Variants in RUNX2 observed in about 807,000 individuals in gnomAD.
RUNX2 encodes RUNX family transcription factor 2.
Under a neutral mutation model 51.7 loss-of-function variants are expected in RUNX2, and 10 were observed. The observed-to-expected ratio is 0.19, with a 90% CI of 0.12 to 0.33. RUNX2 has a LOEUF of 0.33. Ranked by LOEUF, RUNX2 falls within the 10% of genes least tolerant of loss-of-function variation. The probability of loss-of-function intolerance (pLI) is 1.00; values close to 1 mark genes in which losing one functional copy is unlikely to be tolerated. For missense variants in RUNX2, 562 were observed against 691.3 expected (o/e 0.81, Z 2.10); for synonymous variants, 276 against 273.6 (o/e 1.01, Z -0.09).
At chr6:45,451,296 T>C (rs929148664) in intron 5 of RUNX2, among the ~76,000 whole-genome samples, 2 of 152,128 alleles carry the variant, frequency 1.3e-5, no homozygotes, top group African/African-American at 4.8e-5. Context: ...CATGTTTTCT[T>C]AGATGAAGAG....
At chr6:45,495,945 G>A (rs1475273195) in intron 6 of RUNX2, among the ~76,000 whole-genome samples, 1 of 152,132 alleles carries the variant, frequency 6.6e-6, no homozygotes, top group Non-Finnish European at 1.5e-5. Flanking sequence ...CTTGTCTGAT[G>A]GTGATATTTT....
Position 45,399,349 on chromosome 6 carries a change from C to CTTTTTTTTTTT in RUNX2, c.59-23226_59-23216dup, listed in dbSNP as rs398048486. On this transcript the variant is annotated intron_variant, in intron 2 of 8. Transcript: ENST00000647337. ...CTTTCTCATTTCTTTCTTTTCTTTC[C>CTTTTTTTTTTT]TTTTTTTTTTTTTTTTTTTTTTTTT... Among the ~76,000 whole-genome samples the CTTTTTTTTTTT allele has an allele frequency of 4.4e-4, 25 of 57,378 alleles. 6 individuals are homozygous for CTTTTTTTTTTT. The highest frequency in any genetic ancestry group is 7.2e-4 in the Non-Finnish European group (21 of 29,036). The allele number at this position is 57,378 out of a possible 152,430, so 37.6% of individuals were successfully genotyped here.
At chr6:45,401,497 G>A (rs999323870) in intron 2 of RUNX2, among the ~76,000 whole-genome samples, 1 of 152,190 alleles carries the variant, frequency 6.6e-6, no homozygotes, top group African/African-American at 2.4e-5. Context: ...CTCTGACTTT[G>A]AACTAGTTGT....
At chr6:45,467,533 C>T (rs1479571091) in intron 5 of RUNX2, among the ~76,000 whole-genome samples, 6 of 152,256 alleles carry the variant, frequency 3.9e-5, no homozygotes, top group South Asian at 2.1e-4. Context: ...CCACCTGCTT[C>T]GGCCTCCCAA....
intron 6 of RUNX2, among the ~76,000 whole-genome samples, chr6:45,506,007 G>A (rs939353198): frequency 6.6e-6 from 1 of 152,148 alleles, no homozygotes; most frequent in Non-Finnish European, 1.5e-5. Flanking sequence ...GACAGAAAAA[G>A]AGAAATTAAC....
At chr6:45,383,128 T>C (rs868863406) in intron 2 of RUNX2, among the ~76,000 whole-genome samples, 2 of 152,298 alleles carry the variant, frequency 1.3e-5, no homozygotes, top group Middle Eastern at 3.4e-3. Context: ...TTTAATGTTT[T>C]GCCATCAAAA....
rs1162021261 is a variant in RUNX2, at chr6:45,527,379, C to T, written c.1021+14972C>T. On this transcript the variant is annotated intron_variant, in intron 7 of 8. Coordinates refer to ENST00000647337, the MANE Select transcript of RUNX2 (RefSeq NM_001024630.4). ...TTATATTTTTCAAAGCTCACTCTGG[C>T]GGTTGGGTGGAGAATTGTAACAGGG... is the stretch of plus-strand genomic sequence containing the variant. 5.9e-5 allele frequency among the ~76,000 whole-genome samples: 9 copies of T among 152,036 alleles called. 1 individual carries two copies. Among genetic ancestry groups the T allele is most frequent in the Admixed American group, 5.2e-4 (8 of 15,266 alleles).
At chr6:45,478,228 G>T (rs575901903) in intron 5 of RUNX2, among the ~76,000 whole-genome samples, 2 of 152,000 alleles carry the variant, frequency 1.3e-5, no homozygotes, top group East Asian at 3.9e-4. Flanking sequence ...TTGTTTTTAT[G>T]ATGCCTCCAG....
At chr6:45,504,204 G>A (rs1334443954) in intron 6 of RUNX2, among the ~76,000 whole-genome samples, 3 of 152,150 alleles carry the variant, frequency 2.0e-5, no homozygotes, top group Non-Finnish European at 4.4e-5. Context: ...GATGGGAGGC[G>A]CTGCATTGTC....
In RUNX2 at chr6:45,458,418, G is replaced by A. The variant is rs1442734410; in HGVS notation, c.685+20367G>A. ...CTTACATTCTTGATGAAACTACCTA[G>A]AGTCTGTGTTTCACTTTTGTAACAT... On this transcript the variant is annotated intron_variant, in intron 5 of 8. Coordinates refer to ENST00000647337, the MANE Select transcript of RUNX2 (RefSeq NM_001024630.4). Among the ~76,000 whole-genome samples, 6 of 152,186 alleles carry A rather than the reference G, an allele frequency of 3.9e-5. No homozygotes were observed. In the East Asian group the frequency reaches 1.2e-3, roughly 29 times the overall value.
chr6:45,527,089 GTT>G (rs1801693792), intron 7 of RUNX2, among the ~76,000 whole-genome samples: 1 of 152,168 alleles, frequency 6.6e-6, no homozygotes, highest in African/African-American at 2.4e-5. Flanking sequence ...ACAAAAAAGA[GTT>G]AGCCCTGTCA....
intron 5 of RUNX2, among the ~76,000 whole-genome samples, chr6:45,444,873 G>T (rs1372365689): frequency 1.3e-4 from 20 of 152,140 alleles, no homozygotes; most frequent in Admixed American, 1.3e-3. Context: ...GAATGGAGGG[G>T]TTGACATTTT....
At chr6:45,379,317 T>C (rs1797168230) in intron 2 of RUNX2, among the ~76,000 whole-genome samples, 1 of 152,236 alleles carries the variant, frequency 6.6e-6, no homozygotes, top group Non-Finnish European at 1.5e-5. Context: ...ACTTCTTACA[T>C]GGGAAGACTG....
intron 2 of RUNX2, among the ~76,000 whole-genome samples, chr6:45,360,023 T>C (rs905036602): frequency 1.3e-5 from 2 of 152,256 alleles, no homozygotes; most frequent in Admixed American, 6.5e-5. Context: ...TTTTATTTCA[T>C]TATAGCACAG....
chr6:45,503,765 G>A (rs566434461), intron 6 of RUNX2, among the ~76,000 whole-genome samples: 1 of 152,274 alleles, frequency 6.6e-6, no homozygotes, highest in Admixed American at 6.5e-5. Context: ...AGACAGTTAT[G>A]ATCCCTATCT....
intron 2 of RUNX2, among the ~76,000 whole-genome samples, chr6:45,414,886 G>T (rs1178413731): frequency 6.6e-6 from 1 of 150,462 alleles, no homozygotes; most frequent in Non-Finnish European, 1.5e-5. Flanking sequence ...TTTCATGGAA[G>T]ATGTCAGGAC....
intron 6 of RUNX2, among the ~76,000 whole-genome samples, chr6:45,498,379 A>ACC (rs1800707105): frequency 6.6e-6 from 1 of 152,140 alleles, no homozygotes; most frequent in South Asian, 2.1e-4. Context: ...GCAAGCACTC[A>ACC]CCTTCATCCC....
intron 2 of RUNX2, chr6:45,422,270 A>C (rs1403484185): frequency 4.3e-4 from 113 of 263,648 alleles, no homozygotes; most frequent in Admixed American, 2.3e-3. Context: ...CCGCCTCCCC[A>C]GGCCAAACAC....
chr6:45,331,064 A>T (rs1787378505), intron 2 of RUNX2, among the ~76,000 whole-genome samples: 2 of 152,070 alleles, frequency 1.3e-5, no homozygotes, highest in South Asian at 4.1e-4. Context: ...TGAGGTACAA[A>T]GCACACATTA....
Sources: gnomAD v4.1 joint callset for allele counts (sites outside exome capture counted in the v4.1 genomes callset) on GRCh38, gnomAD v4.1.1 for gene constraint, MANE v1.5 for transcripts, NCBI Gene and HGNC (gene_info 2026-07-23, HGNC 2026-07-21) for gene names.